N4BP1: variants seen among roughly 807,000 people sequenced by gnomAD.
N4BP1 encodes NEDD4-binding protein 1.
A neutral mutation model predicts 70.9 loss-of-function variants in N4BP1; 21 were observed. That is an observed-to-expected ratio of 0.30 (90% CI 0.21 to 0.43). The LOEUF (loss-of-function observed/expected upper bound fraction) is 0.43. Among genes scored for constraint, N4BP1 ranks in the 20% least tolerant of loss-of-function variants. The pLI is 1.00. For synonymous variants in N4BP1, 387 were observed against 394.6 expected (o/e 0.98, Z 0.23); for missense variants, 936 against 1,069.4 (o/e 0.88, Z 1.74).
rs1436294971 is a variant in N4BP1 at position 48,560,883 on chromosome 16, T to G, written c.1760A>C (p.Asp587Ala). The change falls in exon 2 of 7, where the codon GAT becomes GCT. Residue 587 changes from aspartate to alanine, a missense_variant. Around this residue, in one of 4 missense-constraint regions of N4BP1, gnomAD observed 515 missense variants for 491.7 expected, o/e 1.05. Transcript: ENST00000262384. ...ARSAGPSDHI[D>A]SSVTGVQRFR... ...CCTTTGAACCCCAGTAACTGAGGAA[T>G]CAATATGATCAGAAGGTCCTGCCGA... The G allele has an allele frequency of 6.2e-6, 10 of 1,613,848 alleles. No individual in the cohort carries two copies. Among genetic ancestry groups the G allele is most frequent in the Non-Finnish European group, 8.5e-6 (10 of 1,179,886 alleles).
At chr16:48,569,538 C>T (rs1350149057) in intron 1 of N4BP1, among the ~76,000 whole-genome samples, 1 of 152,172 alleles carries the variant, frequency 6.6e-6, no homozygotes, top group Non-Finnish European at 1.5e-5. Context: ...AACACAGGCA[C>T]ATGCCACCAC....
intron 1 of N4BP1, among the ~76,000 whole-genome samples, chr16:48,578,556 G>C (rs969065681): frequency 2.0e-5 from 3 of 152,168 alleles, no homozygotes; most frequent in Admixed American, 1.3e-4. Flanking sequence ...ACTGAGTCTT[G>C]TGAACATGGC....
At chr16:48,604,189 C>G (rs1017951986) in intron 1 of N4BP1, among the ~76,000 whole-genome samples, 1 of 152,220 alleles carries the variant, frequency 6.6e-6, no homozygotes, top group African/African-American at 2.4e-5. Context: ...TGCGCTCCCT[C>G]TGGGGATGAA....
intron 2 of N4BP1, chr16:48,560,531 CT>C (rs1963838742): frequency 2.0e-6 from 1 of 509,068 alleles, no homozygotes; most frequent in African/African-American, 2.0e-5. Context: ...CTCTCTTGCC[CT>C]TAGAAATTAA....
intron 1 of N4BP1, among the ~76,000 whole-genome samples, chr16:48,572,975 G>A (rs1490930043): frequency 6.6e-6 from 1 of 151,756 alleles, no homozygotes; most frequent in Non-Finnish European, 1.5e-5. Context: ...AGCCGAGCAT[G>A]GTGGTGCATG....
intron 1 of N4BP1, 51 bp from the exon 2 acceptor site, chr16:48,562,495 C>G: frequency 1.4e-6 from 2 of 1,432,448 alleles, no homozygotes; most frequent in Non-Finnish European, 1.9e-6. Flanking sequence ...TTCCTTATAG[C>G]ACATAATAAA....
In N4BP1 at chr16:48,594,001, C is replaced by CAAAAAAAAAAAAAAAAAAAAA. The variant is rs750355255; in HGVS notation, c.198+15773_198+15774insTTTTTTTTTTTTTTTTTTTTT. 7.0e-5 allele frequency among the ~76,000 whole-genome samples: 3 copies of CAAAAAAAAAAAAAAAAAAAAA among 42,556 alleles called. 1 individual carries two copies. The highest frequency in any genetic ancestry group is 8.8e-5 in the African/African-American group (1 of 11,328). The allele number at this position is 42,556 out of a possible 152,430, so 27.9% of individuals were successfully genotyped here. A position where few individuals can be genotyped will look rare whatever the true frequency, so the allele number is the denominator to read the frequency against. On this transcript the variant is annotated intron_variant, in intron 1 of 6. Transcript: ENST00000262384. ...TGGGTGCCAGAGCAAGACTCCGTCT[C>CAAAAAAAAAAAAAAAAAAAAA]AAAAAAAAAAAAAAAAACAAAAAAA... is the stretch of plus-strand genomic sequence containing the variant.
chr16:48,597,963 C>A lies in N4BP1; in HGVS notation c.198+11812G>T, dbSNP rs576280253. On this transcript the variant is annotated intron_variant, in intron 1 of 6. Coordinates refer to ENST00000262384, the MANE Select transcript of N4BP1 (RefSeq NM_153029.4). ...GAACAATCACATGGCTATACATGAT[C>A]CAGACAAAGGTGGTTATTCCTGAGC... Among the ~76,000 whole-genome samples the A allele has an allele frequency of 9.2e-5, 14 of 152,256 alleles. No individual in the cohort carries two copies. The South Asian group carries it at 2.9e-3, about 32-fold the overall frequency.
intron 2 of N4BP1, among the ~76,000 whole-genome samples, chr16:48,558,122 C>T (rs371740458): frequency 3.3e-5 from 5 of 152,158 alleles, no homozygotes; most frequent in African/African-American, 1.2e-4. Flanking sequence ...GCAGTTTCTT[C>T]CTAGAATATG....
intron 5 of N4BP1, among the ~76,000 whole-genome samples, chr16:48,547,550 A>G (rs1490798026): frequency 6.6e-6 from 1 of 152,260 alleles, no homozygotes; most frequent in African/African-American, 2.4e-5. Context: ...TCAGATATTA[A>G]AAAGTGGAAA....
At chr16:48,597,481 T>C (rs1964433336) in intron 1 of N4BP1, among the ~76,000 whole-genome samples, 1 of 152,212 alleles carries the variant, frequency 6.6e-6, no homozygotes, top group African/African-American at 2.4e-5. Context: ...TTCCTGTAGA[T>C]AAAATTTCTG....
intron 6 of N4BP1, among the ~76,000 whole-genome samples, chr16:48,543,462 C>G (rs1726806714): frequency 1.3e-5 from 2 of 152,086 alleles, no homozygotes; most frequent in Non-Finnish European, 2.9e-5. Flanking sequence ...GACATCACCT[C>G]AAGGCGTGCC....
At position 48,558,529 on chromosome 16, in the gene N4BP1, C is replaced by G. The variant is rs1034970547; in HGVS notation, c.1889+2225G>C. Among the ~76,000 whole-genome samples the G allele has an allele frequency of 3.3e-5, 5 of 152,196 alleles. No individual in the cohort carries two copies. The East Asian group carries it at 7.7e-4, about 24-fold the overall frequency. Reference sequence around the variant, plus strand: ...CACCACTCTAAATTCCAACAGTGACCCTGCTGAGAAATATGCCTGTTAACT... The same window carrying G: ...CACCACTCTAAATTCCAACAGTGACGCTGCTGAGAAATATGCCTGTTAACT... On this transcript the variant is annotated intron_variant, in intron 2 of 6. Coordinates refer to ENST00000262384, the MANE Select transcript of N4BP1 (RefSeq NM_153029.4).
At position 48,592,305 on chromosome 16, in the gene N4BP1, G is replaced by A. The variant is rs559982966; in HGVS notation, c.198+17470C>T. On this transcript the variant is annotated intron_variant, in intron 1 of 6. Transcript: ENST00000262384. Reference sequence around the variant, plus strand: ...CAATTAAATGCATGGTAAAAGCATTGCACCGTTTTCTCCAACAGCATTTCC... The same window carrying A: ...CAATTAAATGCATGGTAAAAGCATTACACCGTTTTCTCCAACAGCATTTCC... 6.6e-5 allele frequency among the ~76,000 whole-genome samples: 10 copies of A among 152,288 alleles called. No individual in the cohort carries two copies. The East Asian group carries it at 1.9e-3, about 29-fold the overall frequency.
At chr16:48,608,032 T>C (rs1964610741) in intron 1 of N4BP1, among the ~76,000 whole-genome samples, 1 of 152,178 alleles carries the variant, frequency 6.6e-6, no homozygotes, top group South Asian at 2.1e-4. Flanking sequence ...GGGCTAATTT[T>C]TTGTATTTTT....
At chr16:48,544,058 C>T (rs1191404846) in intron 6 of N4BP1, among the ~76,000 whole-genome samples, 2 of 152,204 alleles carry the variant, frequency 1.3e-5, no homozygotes, top group Non-Finnish European at 2.9e-5. Context: ...TGCTCTGACA[C>T]AGGCCTCGGG....
At chr16:48,572,091 C>G (rs922633240) in intron 1 of N4BP1, among the ~76,000 whole-genome samples, 1 of 151,942 alleles carries the variant, frequency 6.6e-6, no homozygotes, top group African/African-American at 2.4e-5. Flanking sequence ...TCCCAGCCAC[C>G]CGGAGACTGA....
chr16:48,599,859 T>G lies in N4BP1; in HGVS notation c.198+9916A>C, dbSNP rs537161578. Among the ~76,000 whole-genome samples, 147 of 152,290 alleles carry G rather than the reference T, an allele frequency of 9.7e-4. 1 individual carries two copies. Among genetic ancestry groups the G allele is most frequent in the African/African-American group, 3.4e-3 (142 of 41,542 alleles). The stretch of plus-strand genomic sequence containing the variant: ...AAAGGCCTGATGGCTGGAGCTGCAG[T>G]GGTCATTTTGTGACCATAAGGGTAC... On this transcript the variant is annotated intron_variant, in intron 1 of 6. Coordinates refer to ENST00000262384, the MANE Select transcript of N4BP1 (RefSeq NM_153029.4).
At position 48,557,354 on chromosome 16, in the gene N4BP1, G is replaced by C. The variant is rs562711424; in HGVS notation, c.1889+3400C>G. On this transcript the variant is annotated intron_variant, in intron 2 of 6. Coordinates refer to ENST00000262384, the MANE Select transcript of N4BP1 (RefSeq NM_153029.4). ...AAAATTCCAACCTTAACTTCTGCTG[G>C]AGGAGAGAGGGTATACAGCAGCTCT... 4.6e-5 allele frequency among the ~76,000 whole-genome samples: 7 copies of C among 152,312 alleles called. No individual in the cohort carries two copies. In the South Asian group the frequency reaches 1.5e-3, roughly 32 times the overall value.
Sources: gnomAD v4.1 joint callset for allele counts (sites outside exome capture counted in the v4.1 genomes callset) on GRCh38, gnomAD v4.1.1 for gene constraint, gnomAD v4.1.1 regional missense constraint, MANE v1.5 for transcripts, NCBI Gene and HGNC (gene_info 2026-07-23, HGNC 2026-07-21) for gene names.